ENTPD7: variants seen among roughly 807,000 people sequenced by gnomAD.
The protein encoded by ENTPD7 is NTPDase 7.
Under a neutral mutation model 77.9 loss-of-function variants are expected in ENTPD7, and 53 were observed. The ratio of observed to expected loss-of-function variants is 0.68; its 90% CI spans 0.55 to 0.85. The LOEUF (loss-of-function observed/expected upper bound fraction) is 0.85, where lower values mean the gene tolerates loss of function less well. ENTPD7 is among the 40% of genes least tolerant of loss of function. The probability of loss-of-function intolerance (pLI) is 0.00; values close to 1 mark genes in which losing one functional copy is unlikely to be tolerated. For missense variants in ENTPD7, 636 were observed against 743.7 expected (o/e 0.86, Z 1.68); for synonymous variants, 248 against 274.9 (o/e 0.90, Z 0.97).
chr10:99,701,112 T>C, intron 11 of ENTPD7, 54 bp downstream of exon 11: 1 of 1,366,758 alleles, frequency 7.3e-7, no homozygotes, highest in South Asian at 1.2e-5. Flanking sequence ...AGATGGCAGA[T>C]TATAATGGAG....
chr10:99,664,143 C>G (rs891118359), intron 3 of ENTPD7, among the ~76,000 whole-genome samples: 2 of 151,962 alleles, frequency 1.3e-5, no homozygotes, highest in African/African-American at 2.4e-5. Context: ...CACAGAAGGT[C>G]TATATTTCTT....
intron 3 of ENTPD7, among the ~76,000 whole-genome samples, chr10:99,674,853 T>C (rs1173783714): frequency 1.3e-5 from 2 of 152,220 alleles, no homozygotes; most frequent in Non-Finnish European, 2.9e-5. Flanking sequence ...AGGCACCACA[T>C]TGTACTAGTA....
chr10:99,689,045 GT>G (rs11331683), intron 7 of ENTPD7, among the ~76,000 whole-genome samples: 2,345 of 150,362 alleles, frequency 0.016, 61 homozygotes, highest in African/African-American at 0.054. Flanking sequence ...TGTATTAAAG[GT>G]TTTTTTTTCT....
Position 99,710,290 on chromosome 10 carries a change from G to T in ENTPD7, c.*5607G>T, listed in dbSNP as rs2036339807. 1.0e-6 allele frequency: 1 copy of T among 985,202 alleles called. No homozygotes were observed. Among genetic ancestry groups the T allele is most frequent in the South Asian group, 4.7e-5 (1 of 21,280 alleles). The allele number at this position is 985,202 out of a possible 1,614,324, so 61.0% of individuals were successfully genotyped here. A position where few individuals can be genotyped will look rare whatever the true frequency, so the allele number is the denominator to read the frequency against. On this transcript the variant is annotated 3_prime_UTR_variant, in exon 13 of 13. Coordinates refer to ENST00000370489, the MANE Select transcript of ENTPD7 (RefSeq NM_020354.5). ...GCAGGGATCCCAGACACATACTTTG[G>T]TTTCTAGTGTTTCAGTTACTATGTT...
intron 5 of ENTPD7, among the ~76,000 whole-genome samples, chr10:99,680,771 T>C (rs764822194): frequency 1.3e-5 from 2 of 152,008 alleles, no homozygotes; most frequent in Non-Finnish European, 2.9e-5. Flanking sequence ...GGAGCCAGGT[T>C]TCACCATGTT....
intron 6 of ENTPD7, among the ~76,000 whole-genome samples, chr10:99,687,681 GT>G (rs2035832712): frequency 6.6e-6 from 1 of 152,194 alleles, no homozygotes; most frequent in Non-Finnish European, 1.5e-5. Flanking sequence ...TCTCAGAGCT[GT>G]TTGGATATTG....
intron 10 of ENTPD7, among the ~76,000 whole-genome samples, chr10:99,700,593 G>C (rs2036100612): frequency 6.6e-6 from 1 of 152,174 alleles, no homozygotes; most frequent in South Asian, 2.1e-4. Context: ...ATTTTGGTGA[G>C]AATTACAACA....
rs140225134 is a variant in ENTPD7, at chr10:99,696,697, T to C, written c.1010+575T>C. The stretch of plus-strand genomic sequence containing the variant: ...TTAGACCTTAATGTACAAACAGTGG[T>C]GGGATTTCTTGTTTCTTTTTTGTTT... On this transcript the variant is annotated intron_variant, in intron 9 of 12. Coordinates refer to ENST00000370489, the MANE Select transcript of ENTPD7 (RefSeq NM_020354.5). Among the ~76,000 whole-genome samples the C allele has an allele frequency of 1.2e-3, 183 of 152,342 alleles. No individual in the cohort carries two copies. In the East Asian group the frequency reaches 0.014, roughly 11 times the overall value.
rs2036232269 is a variant in ENTPD7 at position 99,705,389 on chromosome 10, A to G, written c.*706A>G. 1 of 152,508 alleles carries G rather than the reference A, an allele frequency of 6.6e-6. No homozygotes were observed. The highest frequency in any genetic ancestry group is 1.5e-5 in the Non-Finnish European group (1 of 68,048). The allele number at this position is 152,508 out of a possible 1,614,324, so 9.4% of individuals were successfully genotyped here. Reference sequence around the variant, plus strand: ...GATGCCTGGTATGATGAGGATAGAAAATTTTTCCATTTTTATGTGCCTCAC... The same window carrying G: ...GATGCCTGGTATGATGAGGATAGAAGATTTTTCCATTTTTATGTGCCTCAC... On this transcript the variant is annotated 3_prime_UTR_variant, in exon 13 of 13. Transcript: ENST00000370489.
chr10:99,707,741 C>G lies in ENTPD7; in HGVS notation c.*3058C>G, dbSNP rs1243571606. Among the ~76,000 whole-genome samples, 1 of 152,242 alleles carries G rather than the reference C, an allele frequency of 6.6e-6. No homozygotes were observed. Among genetic ancestry groups the G allele is most frequent in the Non-Finnish European group, 1.5e-5 (1 of 68,044 alleles). ...AGTCTTGTGATAGCACAATCCATCA[C>G]TTTCCCCAAAATTCTTGTCATAGAA... On this transcript the variant is annotated 3_prime_UTR_variant, in exon 13 of 13. Transcript: ENST00000370489.
At chr10:99,663,353 G>A (rs572293374) in intron 3 of ENTPD7, among the ~76,000 whole-genome samples, 2 of 151,524 alleles carry the variant, frequency 1.3e-5, no homozygotes, top group African/African-American at 4.9e-5. Flanking sequence ...TGTTCTCTCT[G>A]TATAGAATGT....
At chr10:99,686,023 G>T in intron 6 of ENTPD7, 128 bp downstream of exon 6, 2 of 593,020 alleles carry the variant, frequency 3.4e-6, no homozygotes, top group Non-Finnish European at 2.9e-6. Context: ...TCTTGATTCT[G>T]CTACATAGTT....
chr10:99,700,238 G>A (rs774922670), intron 10 of ENTPD7, among the ~76,000 whole-genome samples: 12 of 152,042 alleles, frequency 7.9e-5, no homozygotes, highest in Admixed American at 2.0e-4. Context: ...AGGTAAAAGC[G>A]ATTTTTTTCC....
rs536802260 is a variant in ENTPD7, at chr10:99,690,546, A to T, written c.710-839A>T. On this transcript the variant is annotated intron_variant, in intron 7 of 12. Transcript: ENST00000370489. Reference sequence around the variant, plus strand: ...GTTTTATTCCACAATATGTTTCATAATTTTTTTTTTTTTTTTGAGACAGTC... The same window carrying T: ...GTTTTATTCCACAATATGTTTCATATTTTTTTTTTTTTTTTTGAGACAGTC... Among the ~76,000 whole-genome samples the T allele has an allele frequency of 4.0e-4, 57 of 141,944 alleles. No homozygotes were observed. In the East Asian group the frequency reaches 9.7e-3, roughly 24 times the overall value. 93.1% of individuals were successfully genotyped at this position (141,944 alleles called of 152,430 possible).
intron 5 of ENTPD7, among the ~76,000 whole-genome samples, chr10:99,685,416 G>A (rs1008806545): frequency 1.3e-5 from 2 of 152,182 alleles, no homozygotes; most frequent in African/African-American, 4.8e-5. Context: ...TTACAGTAGT[G>A]AGGAATAATG....
chr10:99,688,101 T>C (rs2035836476), intron 6 of ENTPD7, among the ~76,000 whole-genome samples: 1 of 152,214 alleles, frequency 6.6e-6, no homozygotes, highest in Non-Finnish European at 1.5e-5. Flanking sequence ...TTCTCTGAAC[T>C]TTTGGCATTC....
chr10:99,691,025 C>T (rs903649231), intron 7 of ENTPD7, among the ~76,000 whole-genome samples: 1 of 152,142 alleles, frequency 6.6e-6, no homozygotes, highest in Non-Finnish European at 1.5e-5. Flanking sequence ...GGTTCTCTGT[C>T]ACTGAGGCTA....
chr10:99,688,863 A>C, intron 7 of ENTPD7, 113 bp downstream of exon 7: 1 of 967,156 alleles, frequency 1.0e-6, no homozygotes, highest in African/African-American at 1.6e-5. Flanking sequence ...TTTCAAACAT[A>C]AGATGCTTCA....
chr10:99,701,330 C>T (rs2036120094), intron 11 of ENTPD7, among the ~76,000 whole-genome samples: 1 of 151,084 alleles, frequency 6.6e-6, no homozygotes, highest in Non-Finnish European at 1.5e-5. Context: ...CTTTGTTGCC[C>T]AGGCTGGAGT....
Sources: gnomAD v4.1 joint callset for allele counts (sites outside exome capture counted in the v4.1 genomes callset) on GRCh38, gnomAD v4.1.1 for gene constraint, MANE v1.5 for transcripts, NCBI Gene and HGNC (gene_info 2026-07-23, HGNC 2026-07-21) for gene names.